Variants in IFT81 observed in about 807,000 individuals in gnomAD.
The protein encoded by IFT81 is intraflagellar transport protein 81 homolog.
Under a neutral mutation model 102.6 loss-of-function variants are expected in IFT81, and 72 were observed. That is an observed-to-expected ratio of 0.70 (90% CI 0.58 to 0.85). The LOEUF (loss-of-function observed/expected upper bound fraction) is 0.85. IFT81 is among the 40% of genes least tolerant of loss of function. The pLI, the probability that IFT81 is intolerant of heterozygous loss-of-function variation, is 0.00. For missense variants in IFT81, 723 were observed against 787.3 expected, an observed-to-expected ratio of 0.92 and a Z score of 0.98; for synonymous variants, 237 against 242.7, an observed-to-expected ratio of 0.98 and a Z score of 0.22.
Position 110,191,045 on chromosome 12 carries a change from A to T in IFT81, c.1464A>T (p.Glu488Asp). The T allele has an allele frequency of 6.2e-7, 1 of 1,600,556 alleles. No homozygotes were observed. The highest frequency in any genetic ancestry group is 8.5e-7 in the Non-Finnish European group (1 of 1,175,620). Residue 488 changes from glutamate (E) to aspartate (D), a missense_variant, in exon 13 of 19, where the codon GAA becomes GAT. By Grantham distance (45) the Glu-to-Asp change is conservative. Transcript: ENST00000242591. ...MKGRTLDDMS[E>D]MVKKLYSLVS... ...GACGAACATTGGATGATATGTCTGAAATGGTGATGATACTTTTATTTAAAT... is the reference window on the plus strand; with the variant it reads ...GACGAACATTGGATGATATGTCTGATATGGTGATGATACTTTTATTTAAAT...
chr12:110,217,446 G>A (rs749268654), intron 18 of IFT81, among the ~76,000 whole-genome samples: 2 of 152,162 alleles, frequency 1.3e-5, no homozygotes, highest in Non-Finnish European at 2.9e-5. Flanking sequence ...GAAGTCTTCT[G>A]ACTTCCAAAC....
chr12:110,201,987 A>C (rs1274022776), intron 14 of IFT81, among the ~76,000 whole-genome samples: 1 of 152,208 alleles, frequency 6.6e-6, no homozygotes, highest in African/African-American at 2.4e-5. Flanking sequence ...AAAGCAGTAC[A>C]CTCTAAAATA....
intron 7 of IFT81, among the ~76,000 whole-genome samples, chr12:110,136,219 A>T (rs1894500689): frequency 6.6e-6 from 1 of 152,238 alleles, no homozygotes; most frequent in Admixed American, 6.5e-5. Context: ...ATTTGCTAAG[A>T]AATTATTACT....
At chr12:110,182,509 C>T (rs1021342868) in intron 12 of IFT81, among the ~76,000 whole-genome samples, 1 of 152,164 alleles carries the variant, frequency 6.6e-6, no homozygotes, top group South Asian at 2.1e-4. Flanking sequence ...TAATCATGCC[C>T]TTACCAGGCC....
chr12:110,167,778 C>A, intron 11 of IFT81: 1 of 194,302 alleles, frequency 5.1e-6, no homozygotes, highest in South Asian at 7.1e-5. Context: ...TACTAGGCTT[C>A]TTATATACAT....
At position 110,128,931 on chromosome 12, in the gene IFT81, A is replaced by G. The variant is rs746304556; in HGVS notation, c.249-19A>G. On this transcript the variant is annotated intron_variant, in intron 3 of 18. Coordinates refer to ENST00000242591, the MANE Select transcript of IFT81 (RefSeq NM_014055.4). ...CCGTTAAGTGCGTGTGTGTTTGTGT[A>G]TGTGTGTTTCTCTCTTAGGAGTACT... 1.9e-6 allele frequency: 3 copies of G among 1,597,628 alleles called. No homozygotes were observed. The highest frequency in any genetic ancestry group is 4.5e-5 in the East Asian group (2 of 44,380).
intron 8 of IFT81, among the ~76,000 whole-genome samples, chr12:110,139,847 T>TA (rs1225456910): frequency 0.014 from 1,603 of 118,438 alleles, 45 homozygotes; most frequent in African/African-American, 0.059. Flanking sequence ...TAAAATAAAA[T>TA]AAATAAAATA....
Position 110,170,046 on chromosome 12 carries a change from G to T in IFT81, c.1188+6981G>T, listed in dbSNP as rs573838643. ...TGGCTCACTGCAAGCTCTGCCTCCCGGGTTCACGCCATTCTCCTGCCTCAG... is the reference window on the plus strand; with the variant it reads ...TGGCTCACTGCAAGCTCTGCCTCCCTGGTTCACGCCATTCTCCTGCCTCAG... On this transcript the variant is annotated intron_variant, in intron 11 of 18. Transcript: ENST00000242591. Among the ~76,000 whole-genome samples, 30 of 151,814 alleles carry T rather than the reference G, an allele frequency of 2.0e-4. 1 individual carries two copies. The South Asian group carries it at 5.6e-3, about 28-fold the overall frequency.
chr12:110,218,281 C>T lies in IFT81; in HGVS notation c.*55C>T. 7.8e-7 allele frequency: 1 copy of T among 1,281,742 alleles called. No homozygotes were observed. The highest frequency in any genetic ancestry group is 1.0e-6 in the Non-Finnish European group (1 of 958,548). The allele number at this position is 1,281,742 out of a possible 1,614,324, so 79.4% of individuals were successfully genotyped here. A position where few individuals can be genotyped will look rare whatever the true frequency, so the allele number is the denominator to read the frequency against. Reference sequence around the variant, plus strand: ...TGATACCACTAGCTATAAGCCTAATCTCATAATGTATTTCTTTTTTGAAAC... The same window carrying T: ...TGATACCACTAGCTATAAGCCTAATTTCATAATGTATTTCTTTTTTGAAAC... On this transcript the variant is annotated 3_prime_UTR_variant, in exon 19 of 19. Coordinates refer to ENST00000242591, the MANE Select transcript of IFT81 (RefSeq NM_014055.4).
chr12:110,148,538 C>T (rs1009798830), intron 10 of IFT81, among the ~76,000 whole-genome samples: 8 of 151,362 alleles, frequency 5.3e-5, no homozygotes, highest in South Asian at 2.1e-4. Context: ...TGCAGTGGTG[C>T]GATCTCGGCT....
At chr12:110,176,823 T>C (rs1897054926) in intron 11 of IFT81, among the ~76,000 whole-genome samples, 1 of 152,240 alleles carries the variant, frequency 6.6e-6, no homozygotes. Flanking sequence ...CTCAGTAATT[T>C]GTAGGTTTGT....
At chr12:110,161,925 G>A (rs1321171165) in intron 10 of IFT81, among the ~76,000 whole-genome samples, 2 of 152,070 alleles carry the variant, frequency 1.3e-5, no homozygotes, top group Non-Finnish European at 2.9e-5. Flanking sequence ...TTTCTCTTAA[G>A]ACAGTTTGGC....
chr12:110,202,488 C>CT (rs1328844440), intron 14 of IFT81, among the ~76,000 whole-genome samples: 1 of 150,318 alleles, frequency 6.7e-6, no homozygotes, highest in Non-Finnish European at 1.5e-5. Context: ...GAGTCTCACT[C>CT]TGTCGCCAGG....
chr12:110,177,443 C>T (rs1044938153), intron 11 of IFT81, among the ~76,000 whole-genome samples: 5 of 152,048 alleles, frequency 3.3e-5, no homozygotes, highest in Non-Finnish European at 7.4e-5. Context: ...CCACCACGCC[C>T]AGCTTATTTT....
intron 11 of IFT81, chr12:110,168,303 A>C (rs1272222400): frequency 6.4e-6 from 1 of 155,640 alleles, no homozygotes. Flanking sequence ...AATAGTTTGC[A>C]CATGACAGAA....
chr12:110,185,612 A>G (rs1481536583), intron 12 of IFT81, among the ~76,000 whole-genome samples: 1 of 151,934 alleles, frequency 6.6e-6, no homozygotes, highest in African/African-American at 2.4e-5. Context: ...TTAATTCTAA[A>G]TATAATTTTC....
At chr12:110,197,020 A>C (rs971691609) in intron 14 of IFT81, among the ~76,000 whole-genome samples, 1 of 152,090 alleles carries the variant, frequency 6.6e-6, no homozygotes, top group African/African-American at 2.4e-5. Context: ...GCAACATAGC[A>C]AGACTCCATC....
At chr12:110,195,662 C>T (rs762119582) in intron 14 of IFT81, among the ~76,000 whole-genome samples, 2 of 152,168 alleles carry the variant, frequency 1.3e-5, no homozygotes, top group Non-Finnish European at 2.9e-5. Flanking sequence ...AGCTCTAGAC[C>T]TGTAATTATT....
At chr12:110,189,756 C>T (rs1260745290) in intron 12 of IFT81, among the ~76,000 whole-genome samples, 2 of 152,162 alleles carry the variant, frequency 1.3e-5, no homozygotes, top group Non-Finnish European at 2.9e-5. Flanking sequence ...TGCACCACCT[C>T]CTTAAACTAG....
Sources: allele counts gnomAD v4.1 joint callset (sites outside exome capture counted in the v4.1 genomes callset), GRCh38; gene constraint gnomAD v4.1.1; transcripts MANE v1.5; gene names NCBI Gene and HGNC (gene_info 2026-07-23, HGNC 2026-07-21).